The following LONRF1 variants were observed in gnomAD, a reference collection of about 807,000 sequenced individuals.
The protein encoded by LONRF1 is LON peptidase N-terminal domain and ring finger 1.
LONRF1 carries 37 observed loss-of-function variants against 85.8 expected under a neutral mutation model. That is an observed-to-expected ratio of 0.43 (90% confidence interval 0.33 to 0.57). LONRF1 has a LOEUF of 0.57. Ranked by LOEUF, LONRF1 falls within the 20% of genes least tolerant of loss-of-function variation. LONRF1 has a pLI of 0.04. For synonymous variants in LONRF1, 517 were observed against 390.1 expected (o/e 1.33, Z -3.83); for missense variants, 1,036 against 978.0 (o/e 1.06, Z -0.79).
At chr8:12,741,097 T>C in intron 2 of LONRF1, 101 bp from the exon 3 acceptor site, 2 of 1,400,388 alleles carry the variant, frequency 1.4e-6, no homozygotes, top group South Asian at 1.3e-5. Context: ...GCAGTGCCGA[T>C]TCTGGGCCGG....
chr8:12,737,006 A>C lies in LONRF1; in HGVS notation c.1248T>G (p.Val416=). The change falls in exon 5 of 12, where the codon GTT becomes GTG. Residue 416 remains valine, a synonymous_variant. Transcript: ENST00000398246. ...GAACACCTTTTTCTTGAACTGACAG[A>C]ACAGGTTCTGAGGACACTCTTTTTA... is the stretch of plus-strand genomic sequence containing the variant. ...DCLKRVSSEP[V]LSVQEKGVLL... 6.2e-7 allele frequency: 1 copy of C among 1,613,644 alleles called. No homozygotes were observed. Among genetic ancestry groups the C allele is most frequent in the Non-Finnish European group, 8.5e-7 (1 of 1,179,714 alleles).
intron 10 of LONRF1, among the ~76,000 whole-genome samples, chr8:12,727,672 C>A (rs1456293912): frequency 2.0e-5 from 3 of 152,130 alleles, no homozygotes; most frequent in African/African-American, 4.8e-5. Flanking sequence ...TAAATTTACA[C>A]AAAACTGAAA....
At chr8:12,730,755 C>T (rs1460428971) in intron 8 of LONRF1, among the ~76,000 whole-genome samples, 1 of 152,184 alleles carries the variant, frequency 6.6e-6, no homozygotes, top group Non-Finnish European at 1.5e-5. Flanking sequence ...AAATCAATAT[C>T]TATTTCTATA....
At position 12,739,353 on chromosome 8, in the gene LONRF1, A is replaced by C. The variant is rs1049512243; in HGVS notation, c.964-1209T>G. On this transcript the variant is annotated intron_variant, in intron 3 of 11. Transcript: ENST00000398246. ...AAAATATGTTCAGCAAAAAAAAAAA[A>C]AAAAAACAAACCCAGACACAAAACA... Among the ~76,000 whole-genome samples, 201 of 151,872 alleles carry C rather than the reference A, an allele frequency of 1.3e-3. 1 individual carries two copies. The highest frequency in any genetic ancestry group is 4.6e-3 in the African/African-American group (192 of 41,526).
intron 1 of LONRF1, chr8:12,753,609 G>A (rs1043228520): frequency 2.6e-5 from 4 of 152,218 alleles, no homozygotes; most frequent in Non-Finnish European, 4.4e-5. Flanking sequence ...AATCTCTCCA[G>A]ATATTGTTCT....
intron 1 of LONRF1, chr8:12,754,479 C>T: frequency 4.6e-6 from 2 of 431,568 alleles, no homozygotes; most frequent in South Asian, 1.2e-4. Flanking sequence ...CCCCGCGCCG[C>T]GTCACAGTCG....
chr8:12,733,668 G>A (rs1478178796), intron 7 of LONRF1, among the ~76,000 whole-genome samples: 7 of 151,978 alleles, frequency 4.6e-5, no homozygotes, highest in African/African-American at 1.5e-4. Context: ...CAAAAGCATA[G>A]TATATAAAAA....
In LONRF1 at chr8:12,737,050, G is replaced by T; in HGVS notation, c.1204C>A (p.Pro402Thr). 1 of 1,613,566 alleles carries T rather than the reference G, an allele frequency of 6.2e-7. No homozygotes were observed. The highest frequency in any genetic ancestry group is 8.5e-7 in the Non-Finnish European group (1 of 1,179,668). Residue 402 changes from proline (P) to threonine (T), a missense_variant, in exon 5 of 12, where the codon CCT becomes ACT. Physicochemically the swap from Pro to Thr is conservative, Grantham distance 38. Transcript: ENST00000398246. ...SAQSINSTEM[P>T]AREDCLKRVS... ...CTTTTTAAACAGTCCTCTCTGGCAG[G>T]CATTTCTGTTGAATTTATAGACTGT...
At chr8:12,724,793 A>G (rs1019137236) in intron 11 of LONRF1, among the ~76,000 whole-genome samples, 2 of 152,234 alleles carry the variant, frequency 1.3e-5, no homozygotes, top group African/African-American at 4.8e-5. Context: ...AAACAAATAG[A>G]TGGCAACTGA....
chr8:12,752,598 C>T (rs920369766), intron 1 of LONRF1, among the ~76,000 whole-genome samples: 1 of 152,070 alleles, frequency 6.6e-6, no homozygotes, highest in East Asian at 1.9e-4. Context: ...TCCTCATGTG[C>T]AATCTATGCA....
At chr8:12,745,388 A>G (rs1799109317) in intron 1 of LONRF1, among the ~76,000 whole-genome samples, 1 of 71,020 alleles carries the variant, frequency 1.4e-5, no homozygotes, top group Non-Finnish European at 3.3e-5. Flanking sequence ...ACTTTTAAAA[A>G]AAGATTAGGA....
chr8:12,726,073 G>A, intron 10 of LONRF1, 194 bp from the exon 11 acceptor site: 1 of 492,528 alleles, frequency 2.0e-6, no homozygotes, highest in East Asian at 3.0e-5. Flanking sequence ...ACTAAAGAAA[G>A]ACAACAAGGC....
At position 12,737,005 on chromosome 8, in the gene LONRF1, G is replaced by A. The variant is rs1404372857; in HGVS notation, c.1249C>T (p.Leu417=). Residue 417 remains leucine, a synonymous_variant, in exon 5 of 12, where the codon CTG becomes TTG. Coordinates refer to ENST00000398246, the MANE Select transcript of LONRF1 (RefSeq NM_152271.5). ...CLKRVSSEPV[L]SVQEKGVLLK... is the part of the protein sequence containing the mutation. The stretch of plus-strand genomic sequence containing the variant: ...AGAACACCTTTTTCTTGAACTGACA[G>A]AACAGGTTCTGAGGACACTCTTTTT... 6.2e-7 allele frequency: 1 copy of A among 1,613,434 alleles called. No homozygotes were observed. Among genetic ancestry groups the A allele is most frequent in the Non-Finnish European group, 8.5e-7 (1 of 1,179,710 alleles).
Position 12,722,648 on chromosome 8 carries a change from C to T in LONRF1, c.*448G>A, listed in dbSNP as rs1358590008. Reference sequence around the variant, plus strand: ...ATTCAATTTGCAAAAACTTGTATCGCTACTCTTGTAAACTTGGGCAATAAA... The same window carrying T: ...ATTCAATTTGCAAAAACTTGTATCGTTACTCTTGTAAACTTGGGCAATAAA... On this transcript the variant is annotated 3_prime_UTR_variant, in exon 12 of 12. Coordinates refer to ENST00000398246, the MANE Select transcript of LONRF1 (RefSeq NM_152271.5). 1 of 154,324 alleles carries T rather than the reference C, an allele frequency of 6.5e-6. No homozygotes were observed. Among genetic ancestry groups the T allele is most frequent in the Non-Finnish European group, 1.4e-5 (1 of 69,324 alleles). 9.6% of individuals were successfully genotyped at this position (154,324 alleles called of 1,614,324 possible). A position where few individuals can be genotyped will look rare whatever the true frequency, so the allele number is the denominator to read the frequency against.
rs1798540436 is a variant in LONRF1, at chr8:12,731,849, T to G, written c.1575A>C (p.Ala525=). The G allele has an allele frequency of 6.2e-6, 10 of 1,610,734 alleles. No homozygotes were observed. Among genetic ancestry groups the G allele is most frequent in the African/African-American group, 2.7e-5 (2 of 74,740 alleles). ...LCKESLKEYL[A]DRRYCVTQLL... is the part of the protein sequence containing the mutation. Reference sequence around the variant, plus strand: ...GCTGTGTGACACAGTACCTCCTATCTGCTAGATACTAAAAGACAATATTAT... The same window carrying G: ...GCTGTGTGACACAGTACCTCCTATCGGCTAGATACTAAAAGACAATATTAT... Residue 525 remains alanine, a synonymous_variant, in exon 8 of 12, where the codon GCA becomes GCC. Coordinates refer to ENST00000398246, the MANE Select transcript of LONRF1 (RefSeq NM_152271.5).
chr8:12,737,590 C>A (rs376935983), intron 4 of LONRF1, among the ~76,000 whole-genome samples: 2 of 151,998 alleles, frequency 1.3e-5, no homozygotes, highest in Non-Finnish European at 2.9e-5. Context: ...CTTGGATTTG[C>A]TATCTGTGAG....
chr8:12,728,425 T>A (rs1798401894), intron 10 of LONRF1, among the ~76,000 whole-genome samples: 1 of 152,238 alleles, frequency 6.6e-6, no homozygotes, highest in Admixed American at 6.5e-5. Context: ...AGAACAATCT[T>A]AATATATAAA....
chr8:12,735,201 T>C (rs953575000), intron 7 of LONRF1, 85 bp downstream of exon 7: 5 of 824,044 alleles, frequency 6.1e-6, no homozygotes, highest in African/African-American at 3.4e-5. Flanking sequence ...CTGAACGTGA[T>C]CATCACTATT....
At chr8:12,735,618 C>T in intron 6 of LONRF1, 1 of 516,562 alleles carries the variant, frequency 1.9e-6, no homozygotes, top group Non-Finnish European at 3.5e-6. Flanking sequence ...AGGCCTAGAG[C>T]CAAGGGCCTA....
Sources: gnomAD v4.1 joint callset for allele counts (sites outside exome capture counted in the v4.1 genomes callset) on GRCh38, gnomAD v4.1.1 for gene constraint, MANE v1.5 for transcripts, NCBI Gene and HGNC (gene_info 2026-07-23, HGNC 2026-07-21) for gene names.